Variants in TEAD1 observed in about 807,000 individuals in gnomAD.
TEAD1 encodes the protein transcriptional enhancer factor TEF-1.
A neutral mutation model predicts 54.9 loss-of-function variants in TEAD1; 9 were observed. The observed-to-expected ratio is 0.16, with a 90% CI of 0.10 to 0.29. The LOEUF is 0.29. Among genes scored for constraint, TEAD1 ranks in the 10% least tolerant of loss-of-function variants. The pLI is 1.00. For synonymous variants in TEAD1, 200 were observed against 187.8 expected (o/e 1.07, Z -0.53); for missense variants, 387 against 535.9 (o/e 0.72, Z 2.74).
At chr11:12,786,603 A>G (rs538317014) in intron 3 of TEAD1, among the ~76,000 whole-genome samples, 1 of 152,278 alleles carries the variant, frequency 6.6e-6, no homozygotes, top group South Asian at 2.1e-4. Context: ...GATTTTGCTT[A>G]CCTCTGGGGC....
intron 2 of TEAD1, among the ~76,000 whole-genome samples, chr11:12,678,629 A>G (rs905276860): frequency 4.6e-5 from 7 of 152,198 alleles, no homozygotes; most frequent in African/African-American, 1.2e-4. Flanking sequence ...TTGTATTGCA[A>G]TTACTTTGTA....
At chr11:12,748,374 T>C (rs1403025690) in intron 2 of TEAD1, among the ~76,000 whole-genome samples, 4 of 151,930 alleles carry the variant, frequency 2.6e-5, no homozygotes, top group African/African-American at 9.7e-5. Flanking sequence ...AGGAGTGGAG[T>C]AGGTGGCCGG....
Position 12,678,635 on chromosome 11 carries a change from T to C in TEAD1, c.-55+3074T>C, listed in dbSNP as rs79139242. ...TAGACCTTGTTGTATTGCAATTACT[T>C]TGTACCTCTGAAATCAGGGAAGTTC... On this transcript the variant is annotated intron_variant, in intron 2 of 12. Transcript: ENST00000527636. Among the ~76,000 whole-genome samples, 1,188 of 152,326 alleles carry C rather than the reference T, an allele frequency of 7.8e-3. 19 individuals carry two copies. The highest frequency in any genetic ancestry group is 0.027 in the African/African-American group (1,137 of 41,556).
chr11:12,856,341 T>C (rs1211882301), intron 3 of TEAD1, among the ~76,000 whole-genome samples: 1 of 151,968 alleles, frequency 6.6e-6, no homozygotes, highest in East Asian at 1.9e-4. Context: ...TGAAATGATA[T>C]CACATAAGGC....
intron 3 of TEAD1, among the ~76,000 whole-genome samples, chr11:12,810,440 C>T (rs1481501917): frequency 6.6e-6 from 1 of 152,164 alleles, no homozygotes; most frequent in Non-Finnish European, 1.5e-5. Context: ...AGACATTCTC[C>T]CATTTTCTTA....
Position 12,728,941 on chromosome 11 carries a change from G to A in TEAD1, c.-54-35238G>A, listed in dbSNP as rs571238739. 2.0e-5 allele frequency among the ~76,000 whole-genome samples: 3 copies of A among 152,356 alleles called. No homozygotes were observed. The East Asian group carries it at 5.8e-4, about 29-fold the overall frequency. Reference sequence around the variant, plus strand: ...CTATTGTGTGGGTGGTTTCTTGGATGTTTTGTGAAGAGGTATCAGCCCTGA... The same window carrying A: ...CTATTGTGTGGGTGGTTTCTTGGATATTTTGTGAAGAGGTATCAGCCCTGA... On this transcript the variant is annotated intron_variant, in intron 2 of 12. Transcript: ENST00000527636.
At chr11:12,753,864 G>T (rs1163780966) in intron 2 of TEAD1, among the ~76,000 whole-genome samples, 3 of 151,946 alleles carry the variant, frequency 2.0e-5, no homozygotes, top group Non-Finnish European at 4.4e-5. Context: ...TTCTTTACTG[G>T]TTTTTTTACT....
At chr11:12,933,356 C>T (rs1564995950) in intron 12 of TEAD1, among the ~76,000 whole-genome samples, 1 of 152,068 alleles carries the variant, frequency 6.6e-6, no homozygotes, top group African/African-American at 2.4e-5. Flanking sequence ...TAAGCCAGCA[C>T]TCTTGGATTT....
chr11:12,709,725 G>A (rs1943894105), intron 2 of TEAD1, among the ~76,000 whole-genome samples: 1 of 152,062 alleles, frequency 6.6e-6, no homozygotes, highest in Non-Finnish European at 1.5e-5. Context: ...GTCTTGCTCT[G>A]TTGCCCGGGG....
At chr11:12,822,827 A>G (rs1388171705) in intron 3 of TEAD1, among the ~76,000 whole-genome samples, 1 of 152,226 alleles carries the variant, frequency 6.6e-6, no homozygotes, top group Non-Finnish European at 1.5e-5. Context: ...CCATGCAATT[A>G]TCTCATGATT....
chr11:12,753,896 A>G (rs1944930319), intron 2 of TEAD1, among the ~76,000 whole-genome samples: 1 of 152,330 alleles, frequency 6.6e-6, no homozygotes, highest in East Asian at 1.9e-4. Context: ...AGTCTATTTC[A>G]GATGGATTGT....
chr11:12,796,515 T>A (rs535327299), intron 3 of TEAD1, among the ~76,000 whole-genome samples: 1 of 148,180 alleles, frequency 6.7e-6, no homozygotes, highest in South Asian at 2.2e-4. Context: ...CACTTGAGTT[T>A]AGGAGTTTGA....
intron 3 of TEAD1, among the ~76,000 whole-genome samples, chr11:12,771,340 G>T (rs1945307554): frequency 6.6e-6 from 1 of 152,202 alleles, no homozygotes; most frequent in African/African-American, 2.4e-5. Flanking sequence ...GACAAAACTA[G>T]ATCTGAAGGC....
intron 5 of TEAD1, among the ~76,000 whole-genome samples, chr11:12,878,089 G>A (rs1168853056): frequency 6.6e-6 from 1 of 152,096 alleles, no homozygotes; most frequent in Non-Finnish European, 1.5e-5. Flanking sequence ...TTATAGGTGT[G>A]AGCAGCCACA....
At chr11:12,808,615 G>A (rs1458709894) in intron 3 of TEAD1, among the ~76,000 whole-genome samples, 1 of 152,080 alleles carries the variant, frequency 6.6e-6, no homozygotes, top group Non-Finnish European at 1.5e-5. Context: ...CCTCCCCACT[G>A]CCCTCTATTT....
chr11:12,868,109 G>A (rs1947661405), intron 5 of TEAD1, among the ~76,000 whole-genome samples: 1 of 152,224 alleles, frequency 6.6e-6, no homozygotes, highest in East Asian at 1.9e-4. Context: ...TACCCGCAAT[G>A]GAGGCCACTG....
chr11:12,865,729 T>C (rs974431373), intron 5 of TEAD1, among the ~76,000 whole-genome samples: 1 of 152,226 alleles, frequency 6.6e-6, no homozygotes, highest in Non-Finnish European at 1.5e-5. Flanking sequence ...ATAAAATTTA[T>C]AATAAAACAT....
At chr11:12,915,125 A>G (rs752899691) in intron 10 of TEAD1, among the ~76,000 whole-genome samples, 1 of 152,150 alleles carries the variant, frequency 6.6e-6, no homozygotes, top group Non-Finnish European at 1.5e-5. Context: ...CCCTCTGGAT[A>G]GGAAGGGAAG....
At chr11:12,894,789 C>T (rs1424019125) in intron 9 of TEAD1, among the ~76,000 whole-genome samples, 4 of 152,222 alleles carry the variant, frequency 2.6e-5, no homozygotes, top group South Asian at 2.1e-4. Context: ...CACATTATTT[C>T]GTCCAAAGTA....
Sources: gnomAD v4.1 joint callset for allele counts (sites outside exome capture counted in the v4.1 genomes callset) on GRCh38, gnomAD v4.1.1 for gene constraint, MANE v1.5 for transcripts, NCBI Gene and HGNC (gene_info 2026-07-23, HGNC 2026-07-21) for gene names.